SLC35E1: variants seen among roughly 807,000 people sequenced by gnomAD.
SLC35E1 encodes the protein solute carrier family 35 member E1, also known as solute carrier family 35, member E1.
A neutral mutation model predicts 31.0 loss-of-function variants in SLC35E1; 12 were observed. That is an observed-to-expected ratio of 0.39 (90% CI 0.25 to 0.63). The LOEUF (loss-of-function observed/expected upper bound fraction) is 0.63, where lower values mean the gene tolerates loss of function less well. Among genes scored for constraint, SLC35E1 ranks in the 20% least tolerant of loss-of-function variants. The pLI is 0.52. For synonymous variants in SLC35E1, 257 were observed against 264.1 expected, an observed-to-expected ratio of 0.97 and a Z score of 0.26; for missense variants, 429 against 572.2, an observed-to-expected ratio of 0.75 and a Z score of 2.55.
chr19:16,555,531 TC>T lies in SLC35E1; in HGVS notation c.757-135del. 2 of 1,225,010 alleles carry T rather than the reference TC, an allele frequency of 1.6e-6. No individual in the cohort carries two copies. Among genetic ancestry groups the T allele is most frequent in the Non-Finnish European group, 2.2e-6 (2 of 898,636 alleles). The allele number at this position is 1,225,010 out of a possible 1,614,324, so 75.9% of individuals were successfully genotyped here. On this transcript the variant is annotated intron_variant, in intron 4 of 5. Transcript: ENST00000595753. The surrounding 1 kb of genome is among the most constrained non-coding windows in gnomAD (Gnocchi z 4.1). ...AGCCTCATGGTCCACAGGCAGCCAG[TC>T]CAGATGTGTCACCAAGAGACACTAG...
At position 16,553,905 on chromosome 19, in the gene SLC35E1, T is replaced by G; in HGVS notation, c.1007A>C (p.Lys336Thr). 6.2e-7 allele frequency: 1 copy of G among 1,603,016 alleles called. No individual in the cohort carries two copies. Among genetic ancestry groups the G allele is most frequent in the African/African-American group, 1.3e-5 (1 of 74,750 alleles). ...ILGVFLYNKTKYDANQQARKH... is the reference protein window; with the variant it reads ...ILGVFLYNKTTYDANQQARKH... The stretch of plus-strand genomic sequence containing the variant: ...CCTGGCTTGCTGGTTTGCATCGTAC[T>G]TGGTCTGTGCCAGAAAGAGAGCAAT... The change falls in exon 6 of 6, where the codon AAG becomes ACG. Residue 336 changes from lysine to threonine, a missense_variant. Transcript: ENST00000595753.
chr19:16,570,102 T>C (rs2085950257), intron 2 of SLC35E1, among the ~76,000 whole-genome samples: 1 of 152,266 alleles, frequency 6.6e-6, no homozygotes, highest in South Asian at 2.1e-4. Flanking sequence ...TTAGTCTGGC[T>C]GCCTAACCGG....
chr19:16,567,393 G>A (rs543471977), intron 3 of SLC35E1, among the ~76,000 whole-genome samples: 2 of 152,316 alleles, frequency 1.3e-5, no homozygotes, highest in East Asian at 3.9e-4. Flanking sequence ...TGTAATCCCA[G>A]TGCTTTATGA....
chr19:16,568,633 C>T (rs1320500628), intron 2 of SLC35E1, among the ~76,000 whole-genome samples: 4 of 152,144 alleles, frequency 2.6e-5, no homozygotes, highest in South Asian at 2.1e-4. Context: ...CGGGTTCAAG[C>T]GATTCTCCTG....
intron 3 of SLC35E1, among the ~76,000 whole-genome samples, chr19:16,567,824 G>A (rs755028964): frequency 9.2e-5 from 14 of 152,176 alleles, no homozygotes; most frequent in Non-Finnish European, 1.9e-4. Flanking sequence ...AAAGTGCTGG[G>A]ATTATAGGCA....
At chr19:16,565,256 G>A in intron 4 of SLC35E1, 1 of 398,074 alleles carries the variant, frequency 2.5e-6, no homozygotes. Context: ...TGTTGCCCAG[G>A]CTGGAGTGCA....
Position 16,552,823 on chromosome 19 carries a change from G to A in SLC35E1, c.*856C>T, listed in dbSNP as rs1371461647. On this transcript the variant is annotated 3_prime_UTR_variant, in exon 6 of 6. Transcript: ENST00000595753. ...CAACATACCAAGTCATCACAGAAGAGGTGAAGATGCCTCTCAAAAGACATG... is the reference window on the plus strand; with the variant it reads ...CAACATACCAAGTCATCACAGAAGAAGTGAAGATGCCTCTCAAAAGACATG... 2.0e-5 allele frequency: 3 copies of A among 152,186 alleles called. No individual in the cohort carries two copies. Among genetic ancestry groups the A allele is most frequent in the Non-Finnish European group, 4.4e-5 (3 of 68,048 alleles). 9.4% of individuals were successfully genotyped at this position (152,186 alleles called of 1,614,324 possible).
rs1252188891 is a variant in SLC35E1, at chr19:16,557,397, G to T, written c.757-2000C>A. ...TTTAGTAGAGACGGGGTTTCACCGT[G>T]TTAGCCAGGATGGTCTCGATCTCCT... is the stretch of plus-strand genomic sequence containing the variant. On this transcript the variant is annotated intron_variant, in intron 4 of 5. Transcript: ENST00000595753. Among the ~76,000 whole-genome samples the T allele has an allele frequency of 5.3e-5, 8 of 152,216 alleles. No individual in the cohort carries two copies. The East Asian group carries it at 1.6e-3, about 30-fold the overall frequency.
At chr19:16,558,014 G>A (rs907447434) in intron 4 of SLC35E1, among the ~76,000 whole-genome samples, 12 of 151,160 alleles carry the variant, frequency 7.9e-5, no homozygotes, top group African/African-American at 1.2e-4. Flanking sequence ...GGGTTTCATC[G>A]TGTTAGCCAG....
chr19:16,564,929 G>A (rs1450342902), intron 4 of SLC35E1: 1 of 325,144 alleles, frequency 3.1e-6, no homozygotes, highest in Non-Finnish European at 6.1e-6. Context: ...TTTACTGATT[G>A]GGAAAATAGA....
chr19:16,556,973 C>T, intron 4 of SLC35E1: 1 of 471,322 alleles, frequency 2.1e-6, no homozygotes, highest in Non-Finnish European at 4.4e-6. Context: ...GGAGGAATAG[C>T]CCCTGTAATA....
At chr19:16,561,105 A>G (rs1185241394) in intron 4 of SLC35E1, among the ~76,000 whole-genome samples, 1 of 144,230 alleles carries the variant, frequency 6.9e-6, no homozygotes, top group East Asian at 2.2e-4. Flanking sequence ...TCCCAGCTAT[A>G]TGGGAGGCTG....
Position 16,555,487 on chromosome 19 carries a change from T to C in SLC35E1, c.757-90A>G. On this transcript the variant is annotated intron_variant, in intron 4 of 5. Transcript: ENST00000595753. This position sits in a 1 kb window ranked among gnomAD's most constrained non-coding sequence, Gnocchi z 4.1. ...CACCTGGCAGGGTTAGGGGAAGGGATGTGGAGGGGCTCATCTGGAGCCTCA... is the reference window on the plus strand; with the variant it reads ...CACCTGGCAGGGTTAGGGGAAGGGACGTGGAGGGGCTCATCTGGAGCCTCA... The C allele has an allele frequency of 6.6e-7, 1 of 1,526,490 alleles. No homozygotes were observed. Among genetic ancestry groups the C allele is most frequent in the Non-Finnish European group, 8.8e-7 (1 of 1,136,826 alleles). The allele number at this position is 1,526,490 out of a possible 1,614,324, so 94.6% of individuals were successfully genotyped here.
intron 4 of SLC35E1, among the ~76,000 whole-genome samples, chr19:16,563,175 T>G (rs914757638): frequency 6.6e-6 from 1 of 151,850 alleles, no homozygotes; most frequent in African/African-American, 2.4e-5. Context: ...ACACAAAAAA[T>G]TAGCTGGGCG....
At chr19:16,561,406 C>T (rs185316716) in intron 4 of SLC35E1, among the ~76,000 whole-genome samples, 2 of 152,168 alleles carry the variant, frequency 1.3e-5, no homozygotes, top group Middle Eastern at 3.4e-3. Flanking sequence ...GCTGAAGACA[C>T]AGGAGGAAGA....
chr19:16,567,085 T>C (rs1054214582), intron 3 of SLC35E1, among the ~76,000 whole-genome samples: 1 of 152,252 alleles, frequency 6.6e-6, no homozygotes, highest in Admixed American at 6.5e-5. Context: ...TGATTGTTTC[T>C]ACATTACAAT....
chr19:16,571,876 C>CT, intron 1 of SLC35E1, 68 bp downstream of exon 1: 1 of 1,470,008 alleles, frequency 6.8e-7, no homozygotes. Flanking sequence ...CGGCGCACTC[C>CT]TATCCATGCG....
intron 4 of SLC35E1, chr19:16,565,439 A>ACCTC (rs2085926926): frequency 4.3e-6 from 1 of 234,048 alleles, no homozygotes; most frequent in African/African-American, 2.3e-5. Context: ...CGAACTCCTG[A>ACCTC]CCTCAAATGA....
intron 5 of SLC35E1, among the ~76,000 whole-genome samples, chr19:16,554,310 C>T (rs74260260): frequency 0.027 from 4,118 of 151,102 alleles, 163 homozygotes; most frequent in Admixed American, 0.083. Flanking sequence ...CCTCCGGGGC[C>T]GGCATAAGTC....
Sources: allele counts gnomAD v4.1 joint callset (sites outside exome capture counted in the v4.1 genomes callset), GRCh38; gene constraint gnomAD v4.1.1; non-coding constraint Gnocchi (gnomAD v3.1); transcripts MANE v1.5; gene names NCBI Gene and HGNC (gene_info 2026-07-23, HGNC 2026-07-21).